SIPA1L1: variants seen among roughly 807,000 people sequenced by gnomAD.
SIPA1L1 encodes the protein signal induced proliferation associated 1 like 1.
In SIPA1L1, 26 loss-of-function variants were observed where a neutral mutation model predicts 162.7. The observed-to-expected ratio is 0.16, with a 90% CI of 0.12 to 0.22. The LOEUF is 0.22. Among genes scored for constraint, SIPA1L1 ranks in the 10% least tolerant of loss-of-function variants. SIPA1L1 has a pLI of 1.00. For missense variants in SIPA1L1, 1,874 were observed against 2,241.0 expected (o/e 0.84, Z 3.31); for synonymous variants, 829 against 837.4 (o/e 0.99, Z 0.17).
At position 71,377,687 on chromosome 14, in the gene SIPA1L1, A is replaced by G. The variant is rs1424329756; in HGVS notation, c.-465+56506A>G. Among the ~76,000 whole-genome samples, 3 of 152,200 alleles carry G rather than the reference A, an allele frequency of 2.0e-5. No homozygotes were observed. Among genetic ancestry groups the G allele is most frequent in the African/African-American group, 7.2e-5 (3 of 41,458 alleles). ...GCCACTGCACTCCAGCGTGGGCAAC[A>G]TTGAGCACTGAGTGAGTGAGACTCC... is the stretch of plus-strand genomic sequence containing the variant. On this transcript the variant is annotated intron_variant, in intron 2 of 23. Coordinates refer to ENST00000381232, the MANE Select transcript of SIPA1L1 (RefSeq NM_001386936.1). This position sits in a 1 kb window ranked among gnomAD's most constrained non-coding sequence, Gnocchi z 4.8.
intron 17 of SIPA1L1, among the ~76,000 whole-genome samples, chr14:71,717,025 G>A (rs772098634): frequency 5.9e-5 from 9 of 152,126 alleles, no homozygotes; most frequent in Non-Finnish European, 1.0e-4. Context: ...TCAGCCTCCC[G>A]AGTAGCTGGG....
intron 10 of SIPA1L1, 152 bp from the exon 11 acceptor site, chr14:71,670,967 G>A (rs1237177198): frequency 1.8e-5 from 12 of 672,446 alleles, no homozygotes; most frequent in Admixed American, 8.0e-5. Context: ...AAATATACTC[G>A]TATTAAGCAG....
chr14:71,697,694 A>C (rs1039568110), intron 13 of SIPA1L1, among the ~76,000 whole-genome samples: 15 of 152,122 alleles, frequency 9.9e-5, no homozygotes, highest in African/African-American at 3.4e-4. Context: ...TTAATTTGGG[A>C]GTTGTACCTT....
At chr14:71,429,331 T>TA (rs1230173934) in intron 2 of SIPA1L1, among the ~76,000 whole-genome samples, 7 of 152,178 alleles carry the variant, frequency 4.6e-5, no homozygotes, top group Non-Finnish European at 5.9e-5. Flanking sequence ...TTTATTTTTA[T>TA]TTATAATATA....
At chr14:71,346,549 C>T (rs541531515) in intron 2 of SIPA1L1, among the ~76,000 whole-genome samples, 15 of 152,146 alleles carry the variant, frequency 9.9e-5, no homozygotes, top group East Asian at 1.9e-4. Flanking sequence ...ATGGTTTCAT[C>T]GAGATGTGTG....
chr14:71,564,033 C>T (rs986540045), intron 4 of SIPA1L1, among the ~76,000 whole-genome samples: 1 of 151,866 alleles, frequency 6.6e-6, no homozygotes, highest in African/African-American at 2.4e-5. Context: ...CTGCAGCCTC[C>T]ACCTTCTGTC....
chr14:71,680,021 C>T (rs987237724), intron 12 of SIPA1L1, among the ~76,000 whole-genome samples: 1 of 152,084 alleles, frequency 6.6e-6, no homozygotes, highest in African/African-American at 2.4e-5. Flanking sequence ...TTAGACAGAT[C>T]GAGACAGAAA....
intron 7 of SIPA1L1, among the ~76,000 whole-genome samples, chr14:71,648,148 G>A (rs1384754389): frequency 6.6e-6 from 1 of 152,146 alleles, no homozygotes; most frequent in African/African-American, 2.4e-5. Flanking sequence ...AAATTAGCCA[G>A]GCCTGGTGGC....
chr14:71,671,899 CTCTG>C (rs1171732045), intron 11 of SIPA1L1, among the ~76,000 whole-genome samples: 1 of 114,342 alleles, frequency 8.7e-6, no homozygotes, highest in Non-Finnish European at 1.7e-5. Context: ...GACACATTTA[CTCTG>C]TGTGTGTGTG....
At chr14:71,345,666 C>T (rs1361691376) in intron 2 of SIPA1L1, among the ~76,000 whole-genome samples, 3 of 151,188 alleles carry the variant, frequency 2.0e-5, no homozygotes, top group African/African-American at 2.4e-5. Context: ...CTCTGCCTCC[C>T]GAGTTCATGC....
chr14:71,441,592 C>T (rs77969060), intron 2 of SIPA1L1, among the ~76,000 whole-genome samples: 192 of 152,290 alleles, frequency 1.3e-3, no homozygotes, highest in African/African-American at 4.4e-3. Context: ...CTGTCATGCT[C>T]ATTATTGCCT....
intron 16 of SIPA1L1, 47 bp from the exon 17 acceptor site, chr14:71,709,175 T>C (rs774117321): frequency 1.3e-6 from 2 of 1,487,874 alleles, no homozygotes; most frequent in South Asian, 2.4e-5. Flanking sequence ...ATTCTCTTGT[T>C]CAGGAAGCAA....
At chr14:71,490,351 G>A (rs749901697) in intron 2 of SIPA1L1, among the ~76,000 whole-genome samples, 10 of 152,104 alleles carry the variant, frequency 6.6e-5, no homozygotes, top group Non-Finnish European at 1.3e-4. Context: ...ACACCTTTGT[G>A]TAATAGTTTC....
At chr14:71,483,123 G>A (rs1290207076) in intron 2 of SIPA1L1, among the ~76,000 whole-genome samples, 2 of 152,186 alleles carry the variant, frequency 1.3e-5, no homozygotes, top group African/African-American at 4.8e-5. Flanking sequence ...GGAGGGAAAA[G>A]TCTTAAAAGT....
chr14:71,519,843 G>C (rs556090013), intron 3 of SIPA1L1, among the ~76,000 whole-genome samples: 12 of 151,212 alleles, frequency 7.9e-5, no homozygotes, highest in African/African-American at 2.9e-4. Context: ...AAAAAAGATT[G>C]ATTGATTGAC....
intron 2 of SIPA1L1, among the ~76,000 whole-genome samples, chr14:71,390,352 G>A (rs1458864063): frequency 8.1e-6 from 1 of 123,044 alleles, no homozygotes; most frequent in Non-Finnish European, 1.9e-5. Flanking sequence ...TTCCTTTCAG[G>A]GTTTTTTGGA....
At chr14:71,712,414 C>T (rs2082943001) in intron 17 of SIPA1L1, among the ~76,000 whole-genome samples, 1 of 152,090 alleles carries the variant, frequency 6.6e-6, no homozygotes, top group South Asian at 2.1e-4. Flanking sequence ...TAAATTATTG[C>T]TCCCTAGAAT....
chr14:71,647,517 A>G lies in SIPA1L1; in HGVS notation c.1819-2818A>G, dbSNP rs536721379. Among the ~76,000 whole-genome samples the G allele has an allele frequency of 9.2e-5, 14 of 152,104 alleles. No homozygotes were observed. In the East Asian group the frequency reaches 2.7e-3, roughly 30 times the overall value. ...ATTCAGTGTCGCTGTAATGCTTTCC[A>G]TTAGTCAGGGTGAGTTTTGTTTTAC... On this transcript the variant is annotated intron_variant, in intron 7 of 23. Transcript: ENST00000381232.
At chr14:71,633,196 C>T (rs753288854) in intron 7 of SIPA1L1, among the ~76,000 whole-genome samples, 1 of 151,978 alleles carries the variant, frequency 6.6e-6, no homozygotes, top group Non-Finnish European at 1.5e-5. Context: ...GGGCCTCACT[C>T]TGTCGCCAGG....
Sources: allele counts gnomAD v4.1 joint callset (sites outside exome capture counted in the v4.1 genomes callset), GRCh38; gene constraint gnomAD v4.1.1; non-coding constraint Gnocchi (gnomAD v3.1); transcripts MANE v1.5; gene names NCBI Gene and HGNC (gene_info 2026-07-23, HGNC 2026-07-21).